The following TMEM143 variants were observed in gnomAD, a reference collection of about 807,000 sequenced individuals.
TMEM143 encodes transmembrane protein 143.
TMEM143 carries 45 observed loss-of-function variants against 40.3 expected under a neutral mutation model. The observed-to-expected ratio is 1.12, with a 90% CI of 0.88 to 1.43. The LOEUF (loss-of-function observed/expected upper bound fraction) is 1.43. Among genes scored for constraint, TMEM143 ranks in the 40% most tolerant of loss-of-function variants. The pLI, the probability that TMEM143 is intolerant of heterozygous loss-of-function variation, is 0.00. For synonymous variants in TMEM143, 299 were observed against 282.7 expected, an observed-to-expected ratio of 1.06 and a Z score of -0.58; for missense variants, 620 against 613.4, an observed-to-expected ratio of 1.01 and a Z score of -0.11.
In TMEM143 at chr19:48,345,305, G is replaced by T; in HGVS notation, c.419C>A (p.Ser140Ter). The change falls in exon 4 of 8, where the codon TCA becomes TAA. Residue 140 changes from serine (S) to a stop codon, truncating the protein, a stop_gained. Transcript: ENST00000293261. LOFTEE classifies it high-confidence loss of function. ...NPDRETLDQP[S>*]LTDPQRLSNE... ...AGACAGACGCTGGGGATCCGTTAGTGATGGCTGATCGAGGGTCTCCCTGTC... is the reference window on the plus strand; with the variant it reads ...AGACAGACGCTGGGGATCCGTTAGTTATGGCTGATCGAGGGTCTCCCTGTC... 1 of 1,601,892 alleles carries T rather than the reference G, an allele frequency of 6.2e-7. No homozygotes were observed. Among genetic ancestry groups the T allele is most frequent in the Non-Finnish European group, 8.5e-7 (1 of 1,174,406 alleles).
intron 2 of TMEM143, among the ~76,000 whole-genome samples, chr19:48,361,903 C>T (rs896259635): frequency 1.3e-5 from 2 of 152,202 alleles, no homozygotes; most frequent in Non-Finnish European, 2.9e-5. Context: ...AGTTTCCTCA[C>T]TGGCAACAGA....
chr19:48,334,432 TTCTTTC>T (rs1227466638), intron 6 of TMEM143, among the ~76,000 whole-genome samples: 1 of 128,490 alleles, frequency 7.8e-6, no homozygotes, highest in Admixed American at 7.3e-5. Context: ...CTTTCTTTCT[TTCTTTC>T]TTTCTTTCTT....
Position 48,333,379 on chromosome 19 carries a change from C to G in TMEM143, c.1220G>C (p.Gly407Ala). Residue 407 changes from glycine (G) to alanine (A), a missense_variant, in exon 8 of 8, where the codon GGC becomes GCC. Physicochemically the swap from Gly to Ala is moderately conservative, Grantham distance 60. Coordinates refer to ENST00000293261, the MANE Select transcript of TMEM143 (RefSeq NM_018273.4). This position sits in a 1 kb window ranked among gnomAD's most constrained non-coding sequence, Gnocchi z 4.1. ...EVENWLLAKS[G>A]CEVTFNGTRA... The stretch of plus-strand genomic sequence containing the variant: ...AGTTCCGTTGAAGGTCACCTCACAG[C>G]CTGACTTGGCTAGGAGCCAGTTCTC... 6.2e-7 allele frequency: 1 copy of G among 1,608,494 alleles called. No homozygotes were observed. Among genetic ancestry groups the G allele is most frequent in the Non-Finnish European group, 8.5e-7 (1 of 1,176,190 alleles).
In TMEM143 at chr19:48,333,380, C is replaced by T; in HGVS notation, c.1219G>A (p.Gly407Ser). The change falls in exon 8 of 8, where the codon GGC (glycine) becomes AGC (serine). Residue 407 changes from glycine (G) to serine (S), a missense_variant. By Grantham distance (56) the Gly-to-Ser change is moderately conservative (BLOSUM62 0). Transcript: ENST00000293261. This position sits in a 1 kb window ranked among gnomAD's most constrained non-coding sequence, Gnocchi z 4.1. ...GTTCCGTTGAAGGTCACCTCACAGC[C>T]TGACTTGGCTAGGAGCCAGTTCTCC... ...EVENWLLAKS[G>S]CEVTFNGTRA... The T allele has an allele frequency of 6.2e-7, 1 of 1,608,310 alleles. No homozygotes were observed. Among genetic ancestry groups the T allele is most frequent in the South Asian group, 1.1e-5 (1 of 90,504 alleles).
intron 6 of TMEM143, among the ~76,000 whole-genome samples, chr19:48,340,873 C>A (rs557403972): frequency 6.6e-6 from 1 of 152,092 alleles, no homozygotes; most frequent in African/African-American, 2.4e-5. Context: ...CCATGAGATA[C>A]GCCAGGCTGA....
In TMEM143 at chr19:48,363,278, G is replaced by C. The variant is rs375219901; in HGVS notation, c.264+13C>G. 27 of 1,608,800 alleles carry C rather than the reference G, an allele frequency of 1.7e-5. No individual in the cohort carries two copies. In the Admixed American group the frequency reaches 4.0e-4, roughly 24 times the overall value. ...CGTAGTCCCCAGGCTCTTGGGCCTG[G>C]GACAGGCGGTACCTGTATTAGGAGG... On this transcript the variant is annotated intron_variant, in intron 2 of 7. Coordinates refer to ENST00000293261, the MANE Select transcript of TMEM143 (RefSeq NM_018273.4).
intron 3 of TMEM143, among the ~76,000 whole-genome samples, chr19:48,347,252 T>C (rs2147370672): frequency 6.6e-6 from 1 of 152,274 alleles, no homozygotes; most frequent in Non-Finnish European, 1.5e-5. Flanking sequence ...CATGTGTCTC[T>C]TGGGAGCAGG....
chr19:48,352,676 G>C (rs534534835), intron 3 of TMEM143, among the ~76,000 whole-genome samples: 8 of 152,092 alleles, frequency 5.3e-5, no homozygotes, highest in African/African-American at 1.9e-4. Context: ...TCAGGAGGCT[G>C]AGGCAGGAGA....
chr19:48,337,963 T>C (rs932097649), intron 6 of TMEM143, among the ~76,000 whole-genome samples: 4 of 152,176 alleles, frequency 2.6e-5, no homozygotes, highest in Admixed American at 2.6e-4. Flanking sequence ...AGCAGGTCAC[T>C]CTGTGGCACA....
chr19:48,342,696 T>G lies in TMEM143; in HGVS notation c.809A>C (p.Lys270Thr), dbSNP rs370021081. Residue 270 changes from lysine to threonine, a missense_variant, in exon 6 of 8, where the codon AAG becomes ACG. Physicochemically the swap from Lys to Thr is moderately conservative, Grantham distance 78. Coordinates refer to ENST00000293261, the MANE Select transcript of TMEM143 (RefSeq NM_018273.4). ...GCGCTGCAGGGTGGGCGTGCGCACCTTCAGCTCCGGCAGCAGCTGCTCCAG... is the reference window on the plus strand; with the variant it reads ...GCGCTGCAGGGTGGGCGTGCGCACCGTCAGCTCCGGCAGCAGCTGCTCCAG... ...EGLEQLLPEL[K>T]VRTPTLQRAL... The G allele has an allele frequency of 6.0e-5, 97 of 1,614,022 alleles. No individual in the cohort carries two copies. The highest frequency in any genetic ancestry group is 7.6e-5 in the Non-Finnish European group (90 of 1,180,014).
intron 2 of TMEM143, among the ~76,000 whole-genome samples, chr19:48,362,945 AC>A (rs1970084117): frequency 6.6e-6 from 1 of 152,368 alleles, no homozygotes; most frequent in South Asian, 2.1e-4. Flanking sequence ...AATTATGATT[AC>A]AGCGTTGTGA....
intron 3 of TMEM143, among the ~76,000 whole-genome samples, chr19:48,349,879 G>T (rs1569032290): frequency 6.6e-6 from 1 of 151,988 alleles, no homozygotes; most frequent in African/African-American, 2.4e-5. Flanking sequence ...CATCCAATAA[G>T]GTCGACACTG....
rs902640746 is a variant in TMEM143, at chr19:48,333,751, A to G, written c.1165+257T>C. Among the ~76,000 whole-genome samples the G allele has an allele frequency of 6.6e-6, 1 of 152,082 alleles. No individual in the cohort carries two copies. The highest frequency in any genetic ancestry group is 1.5e-5 in the Non-Finnish European group (1 of 67,996). On this transcript the variant is annotated intron_variant, in intron 7 of 7. Transcript: ENST00000293261. This position sits in a 1 kb window ranked among gnomAD's most constrained non-coding sequence, Gnocchi z 4.1. ...TCTCTTGTAGGGAGAGTGTCAGCTCAGGTAGAGGAAAGAATGACAGGAGGG... is the reference window on the plus strand; with the variant it reads ...TCTCTTGTAGGGAGAGTGTCAGCTCGGGTAGAGGAAAGAATGACAGGAGGG...
chr19:48,336,864 A>G (rs1457466837), intron 6 of TMEM143, among the ~76,000 whole-genome samples: 1 of 151,152 alleles, frequency 6.6e-6, no homozygotes, highest in African/African-American at 2.4e-5. Flanking sequence ...AAAAATACAA[A>G]AACAAAATTA....
At chr19:48,342,937 G>A (rs1969536814) in intron 5 of TMEM143, 128 bp from the exon 6 acceptor site, 3 of 1,186,886 alleles carry the variant, frequency 2.5e-6, no homozygotes, top group African/African-American at 3.1e-5. Context: ...CAGTAATCAT[G>A]GGGAAGAAAC....
intron 3 of TMEM143, among the ~76,000 whole-genome samples, chr19:48,352,426 C>T (rs1600917335): frequency 6.6e-6 from 1 of 150,544 alleles, no homozygotes; most frequent in Non-Finnish European, 1.5e-5. Context: ...GCCTCAGCCT[C>T]CCAAGTAGCT....
intron 3 of TMEM143, among the ~76,000 whole-genome samples, chr19:48,352,140 G>A (rs1279060050): frequency 1.3e-5 from 2 of 149,100 alleles, no homozygotes; most frequent in South Asian, 2.1e-4. Flanking sequence ...CCAGCTACTC[G>A]GGAGGCTGAG....
chr19:48,341,238 G>A (rs1244194842), intron 6 of TMEM143, among the ~76,000 whole-genome samples: 2 of 152,232 alleles, frequency 1.3e-5, no homozygotes, highest in Admixed American at 6.5e-5. Context: ...CCTCGAGACA[G>A]GACACGCATT....
At chr19:48,352,014 G>A (rs1302860393) in intron 3 of TMEM143, among the ~76,000 whole-genome samples, 1 of 151,564 alleles carries the variant, frequency 6.6e-6, no homozygotes, top group Non-Finnish European at 1.5e-5. Context: ...TTGAGAGGCC[G>A]AGGCGGGCGG....
Sources: allele counts gnomAD v4.1 joint callset (sites outside exome capture counted in the v4.1 genomes callset), GRCh38; gene constraint gnomAD v4.1.1; non-coding constraint Gnocchi (gnomAD v3.1); transcripts MANE v1.5; gene names NCBI Gene and HGNC (gene_info 2026-07-23, HGNC 2026-07-21).